Variants in FAM20A observed in about 807,000 individuals in gnomAD.
The protein encoded by FAM20A is FAM20A golgi associated secretory pathway pseudokinase, also known as pseudokinase FAM20A.
Under a neutral mutation model 52.0 loss-of-function variants are expected in FAM20A, and 42 were observed. The observed-to-expected ratio is 0.81, with a 90% CI of 0.63 to 1.04. The LOEUF is 1.04. Among genes scored for constraint, FAM20A ranks in the 50% least tolerant of loss-of-function variants. The pLI, the probability that FAM20A is intolerant of heterozygous loss-of-function variation, is 0.00. For synonymous variants in FAM20A, 304 were observed against 298.9 expected (o/e 1.02, Z -0.18); for missense variants, 742 against 712.7 (o/e 1.04, Z -0.47).
At chr17:68,559,270 A>C in intron 1 of FAM20A, among the ~76,000 whole-genome samples, 1 of 152,210 alleles carries the variant, frequency 6.6e-6, no homozygotes, top group Non-Finnish European at 1.5e-5. Context: ...AATAACCCTA[A>C]GTAATATTTT....
intron 1 of FAM20A, among the ~76,000 whole-genome samples, chr17:68,593,559 TA>T (rs1344042868): frequency 6.6e-6 from 1 of 152,216 alleles, no homozygotes; most frequent in Non-Finnish European, 1.5e-5. Context: ...GGTTTTGCTC[TA>T]GACTTCTACA....
intron 9 of FAM20A, 59 bp downstream of exon 9, chr17:68,539,826 G>A (rs1307013389): frequency 6.5e-7 from 1 of 1,544,208 alleles, no homozygotes; most frequent in Non-Finnish European, 8.9e-7. Context: ...CGAGCAGCTG[G>A]CTGCACAGAG....
intron 4 of FAM20A, among the ~76,000 whole-genome samples, chr17:68,549,897 A>G (rs991819385): frequency 2.6e-5 from 4 of 152,230 alleles, no homozygotes; most frequent in Admixed American, 1.3e-4. Context: ...TTAGTACCCT[A>G]TATGTCTGAA....
chr17:68,570,475 A>C (rs1294851234), intron 1 of FAM20A, among the ~76,000 whole-genome samples: 2 of 152,210 alleles, frequency 1.3e-5, no homozygotes, highest in African/African-American at 2.4e-5. Context: ...ATTTTTCTGG[A>C]AAGACAGCTA....
rs2086328630 is a variant in FAM20A, at chr17:68,542,178, G to A, written c.929-13C>T. ...CACACGTTGCTCGCTGGAGGATGGG[G>A]AGGAGAGAGGAGGAGTAAGTGGAGG... On this transcript the variant is annotated splice_polypyrimidine_tract_variant and intron_variant, in intron 6 of 10. Transcript: ENST00000592554. 1.9e-6 allele frequency: 3 copies of A among 1,613,500 alleles called. No homozygotes were observed. The highest frequency in any genetic ancestry group is 1.3e-5 in the African/African-American group (1 of 74,922).
chr17:68,581,509 C>A (rs1409550749), intron 1 of FAM20A, among the ~76,000 whole-genome samples: 1 of 114,570 alleles, frequency 8.7e-6, no homozygotes, highest in Admixed American at 9.4e-5. Context: ...TCTTCTTTCT[C>A]TTTCTCTCCT....
intron 1 of FAM20A, among the ~76,000 whole-genome samples, chr17:68,556,205 AAAG>A (rs746179077): frequency 2.6e-5 from 4 of 152,226 alleles, no homozygotes; most frequent in Non-Finnish European, 4.4e-5. Context: ...GTGAGAATAA[AAAG>A]AAGAGAGGGT....
At chr17:68,565,167 A>G (rs1218318983) in intron 1 of FAM20A, among the ~76,000 whole-genome samples, 2 of 152,152 alleles carry the variant, frequency 1.3e-5, no homozygotes, top group Admixed American at 6.5e-5. Context: ...ATACCTGACC[A>G]TGCAAATATA....
chr17:68,541,873 G>A, intron 7 of FAM20A, 112 bp downstream of exon 7: 1 of 1,265,504 alleles, frequency 7.9e-7, no homozygotes, highest in Non-Finnish European at 1.1e-6. Context: ...ATGGGGCAAA[G>A]GAGTATTGAG....
intron 1 of FAM20A, among the ~76,000 whole-genome samples, chr17:68,592,709 C>G (rs2088347627): frequency 6.6e-6 from 1 of 152,160 alleles, no homozygotes; most frequent in South Asian, 2.1e-4. Context: ...GTCCATGTAC[C>G]CTGTGCCAAC....
intron 1 of FAM20A, among the ~76,000 whole-genome samples, chr17:68,593,633 AAAG>A (rs1400499341): frequency 2.6e-5 from 4 of 152,232 alleles, no homozygotes; most frequent in Admixed American, 6.5e-5. Flanking sequence ...GGCTATTTTC[AAAG>A]AAGATAACAG....
intron 5 of FAM20A, among the ~76,000 whole-genome samples, 172 bp downstream of exon 5, chr17:68,543,457 G>C (rs1017782455): frequency 6.6e-6 from 1 of 152,122 alleles, no homozygotes; most frequent in Non-Finnish European, 1.5e-5. Context: ...TTTCAATCTG[G>C]GGGGTTGCAT....
intron 1 of FAM20A, among the ~76,000 whole-genome samples, chr17:68,589,707 A>T (rs549698103): frequency 1.9e-4 from 29 of 152,356 alleles, no homozygotes; most frequent in African/African-American, 6.7e-4. Flanking sequence ...GAAATATTAT[A>T]CAGAAACTTC....
At chr17:68,581,359 T>C (rs1336246006) in intron 1 of FAM20A, among the ~76,000 whole-genome samples, 1 of 113,802 alleles carries the variant, frequency 8.8e-6, no homozygotes, top group African/African-American at 3.4e-5. Flanking sequence ...TTTTTCTTTC[T>C]TTCTTTCTTT....
rs534442633 is a variant in FAM20A at position 68,584,476 on chromosome 17, A to G, written c.404+15787T>C. On this transcript the variant is annotated intron_variant, in intron 1 of 10. Coordinates refer to ENST00000592554, the MANE Select transcript of FAM20A (RefSeq NM_017565.4). ...AATAAAACAGGGCTTGGTAAGGACAACATCTGGGACCCCTGTGGGTCAGCA... is the reference window on the plus strand; with the variant it reads ...AATAAAACAGGGCTTGGTAAGGACAGCATCTGGGACCCCTGTGGGTCAGCA... Among the ~76,000 whole-genome samples, 9 of 152,348 alleles carry G rather than the reference A, an allele frequency of 5.9e-5. No individual in the cohort carries two copies. The East Asian group carries it at 1.7e-3, about 29-fold the overall frequency.
At position 68,537,310 on chromosome 17, in the gene FAM20A, AAG is replaced by A. The variant is rs1392869870; in HGVS notation, c.*165_*166del. On this transcript the variant is annotated 3_prime_UTR_variant, in exon 11 of 11. Coordinates refer to ENST00000592554, the MANE Select transcript of FAM20A (RefSeq NM_017565.4). The surrounding 1 kb of genome is among the most constrained non-coding windows in gnomAD (Gnocchi z 4.2). ...GACAGAAGCGGTGCACCAAGGAGTA[AAG>A]ATTCAGTTCCATGGGCCCCACTTGC... 3 of 876,368 alleles carry A rather than the reference AAG, an allele frequency of 3.4e-6. No homozygotes were observed. Among genetic ancestry groups the A allele is most frequent in the Admixed American group, 2.0e-5 (1 of 50,788 alleles). 54.3% of individuals were successfully genotyped at this position (876,368 alleles called of 1,614,324 possible).
intron 4 of FAM20A, 149 bp from the exon 5 acceptor site, chr17:68,543,870 C>G: frequency 2.8e-6 from 2 of 725,106 alleles, no homozygotes; most frequent in Non-Finnish European, 4.9e-6. Context: ...TCAGGAATGG[C>G]CTGTGGCTCC....
At chr17:68,561,368 C>T (rs563085888) in intron 1 of FAM20A, among the ~76,000 whole-genome samples, 4 of 152,296 alleles carry the variant, frequency 2.6e-5, no homozygotes, top group African/African-American at 9.6e-5. Flanking sequence ...GGATGACTAG[C>T]TAGTTCTTTA....
chr17:68,586,782 C>T (rs999370534), intron 1 of FAM20A, among the ~76,000 whole-genome samples: 14 of 152,214 alleles, frequency 9.2e-5, no homozygotes, highest in African/African-American at 3.4e-4. Context: ...TAAACAGTGA[C>T]AATTTGTTAC....
Sources: allele counts gnomAD v4.1 joint callset (sites outside exome capture counted in the v4.1 genomes callset), GRCh38; gene constraint gnomAD v4.1.1; non-coding constraint Gnocchi (gnomAD v3.1); transcripts MANE v1.5; gene names NCBI Gene and HGNC (gene_info 2026-07-23, HGNC 2026-07-21).